Variants in TASOR observed in about 807,000 individuals in gnomAD.
TASOR encodes protein TASOR.
TASOR carries 53 observed loss-of-function variants against 178.6 expected under a neutral mutation model. The ratio of observed to expected loss-of-function variants is 0.30; its 90% CI spans 0.24 to 0.37. The LOEUF (loss-of-function observed/expected upper bound fraction) is 0.37. Ranked by LOEUF, TASOR falls within the 10% of genes least tolerant of loss-of-function variation. The pLI is 1.00. For missense variants in TASOR, 1,815 were observed against 1,971.4 expected, an observed-to-expected ratio of 0.92 and a Z score of 1.50; for synonymous variants, 713 against 696.2, an observed-to-expected ratio of 1.02 and a Z score of -0.38.
At chr3:56,638,823 C>T in intron 16 of TASOR, 58 bp from the exon 17 acceptor site, 8 of 1,524,154 alleles carry the variant, frequency 5.2e-6, no homozygotes, top group Non-Finnish European at 7.3e-6. Flanking sequence ...ACACTAAGCA[C>T]CTTTCAGACA....
chr3:56,654,936 T>C (rs565556727), intron 11 of TASOR, among the ~76,000 whole-genome samples: 1 of 152,208 alleles, frequency 6.6e-6, no homozygotes, highest in Admixed American at 6.5e-5. Context: ...TCTTGGGACA[T>C]GTCAGCCTCC....
intron 11 of TASOR, among the ~76,000 whole-genome samples, chr3:56,651,739 G>T (rs920017773): frequency 1.2e-4 from 18 of 149,820 alleles, no homozygotes; most frequent in Non-Finnish European, 2.4e-4. Flanking sequence ...CTACACTAAA[G>T]TGAGATTCAG....
In TASOR at chr3:56,668,893, A is replaced by C. The variant is rs563985447; in HGVS notation, c.736-335T>G. 5.9e-3 allele frequency among the ~76,000 whole-genome samples: 895 copies of C among 152,260 alleles called. 14 individuals are homozygous for C. The highest frequency in any genetic ancestry group is 0.021 in the African/African-American group (863 of 41,542). The stretch of plus-strand genomic sequence containing the variant: ...AAGCTATGGCAGGCAGAACTGCTTG[A>C]ACCTGGGAGGCGGAGGTTGCAGTGA... On this transcript the variant is annotated intron_variant, in intron 5 of 23. Coordinates refer to ENST00000683822, the MANE Select transcript of TASOR (RefSeq NM_001365635.2).
At chr3:56,650,848 AC>A (rs1172871172) in intron 11 of TASOR, among the ~76,000 whole-genome samples, 1 of 152,208 alleles carries the variant, frequency 6.6e-6, no homozygotes, top group Non-Finnish European at 1.5e-5. Context: ...CGGACAATGT[AC>A]CTGAAAATTT....
chr3:56,641,766 A>G lies in TASOR; in HGVS notation c.2216-14T>C, dbSNP rs1156297030. On this transcript the variant is annotated splice_polypyrimidine_tract_variant and intron_variant, in intron 14 of 23. Transcript: ENST00000683822. ...GCTGTGGAGACTCTGAGAAAAAGGA[A>G]GTCATTGGTTGAAGTTAAGTTTAAA... 3 of 1,578,728 alleles carry G rather than the reference A, an allele frequency of 1.9e-6. No individual in the cohort carries two copies. Among genetic ancestry groups the G allele is most frequent in the African/African-American group, 1.4e-5 (1 of 73,766 alleles).
intron 9 of TASOR, among the ~76,000 whole-genome samples, 181 bp downstream of exon 9, chr3:56,662,204 C>T (rs754966459): frequency 1.1e-4 from 16 of 151,236 alleles, no homozygotes; most frequent in Non-Finnish European, 1.6e-4. Flanking sequence ...AAGACAGAGA[C>T]GTAGAGGACT....
chr3:56,646,764 G>A lies in TASOR; in HGVS notation c.1973C>T (p.Ser658Leu). The change falls in exon 14 of 24, where the codon TCA becomes TTA. Residue 658 changes from serine (S) to leucine (L), a missense_variant. By Grantham distance (145) the Ser-to-Leu change is moderately radical. Around this residue, in one of 5 missense-constraint regions of TASOR, gnomAD observed 504 missense variants for 645.3 expected, o/e 0.78. Coordinates refer to ENST00000683822, the MANE Select transcript of TASOR (RefSeq NM_001365635.2). ...TCCAGATATAATGGCTTCACCTCTT[G>A]AGTTATTTCGTTTTCCAAATTTCAT... The part of the protein sequence containing the change: ...TKMKFGKRNN[S>L]RGEAIISGKQ... 1.9e-6 allele frequency: 3 copies of A among 1,613,734 alleles called. No individual in the cohort carries two copies. The highest frequency in any genetic ancestry group is 1.7e-6 in the Non-Finnish European group (2 of 1,179,872).
intron 13 of TASOR, 102 bp downstream of exon 13, chr3:56,648,720 C>A: frequency 5.0e-6 from 3 of 598,072 alleles, no homozygotes; most frequent in Non-Finnish European, 8.4e-6. Context: ...TTTCCTGAAA[C>A]ATGAGGTAAG....
In TASOR at chr3:56,621,013, A is replaced by AGTT. The variant is rs2076453993; in HGVS notation, c.*2021_*2023dup. The AGTT allele has an allele frequency of 6.6e-6, 1 of 151,476 alleles. No homozygotes were observed. The highest frequency in any genetic ancestry group is 1.5e-5 in the Non-Finnish European group (1 of 67,896). 9.4% of individuals were successfully genotyped at this position (151,476 alleles called of 1,614,324 possible). A position where few individuals can be genotyped will look rare whatever the true frequency, so the allele number is the denominator to read the frequency against. On this transcript the variant is annotated 3_prime_UTR_variant, in exon 24 of 24. Transcript: ENST00000683822. Reference sequence around the variant, plus strand: ...TAAAAATACAAAAAGTTAGTTAGTTAGTTAGCCAGGCGTGGTGGTGGGTGC... The same window carrying AGTT: ...TAAAAATACAAAAAGTTAGTTAGTTAGTTGTTAGCCAGGCGTGGTGGTGGGTGC...
intron 11 of TASOR, among the ~76,000 whole-genome samples, chr3:56,649,961 C>T (rs1322843511): frequency 1.3e-5 from 2 of 152,178 alleles, no homozygotes; most frequent in Admixed American, 6.6e-5. Flanking sequence ...TGTAAAAAGA[C>T]CAGAAGCCAG....
chr3:56,674,997 G>A lies in TASOR; in HGVS notation c.332-1272C>T, dbSNP rs918064962. 3.9e-5 allele frequency among the ~76,000 whole-genome samples: 6 copies of A among 151,950 alleles called. No homozygotes were observed. The East Asian group carries it at 1.2e-3, about 29-fold the overall frequency. On this transcript the variant is annotated intron_variant, in intron 1 of 23. Transcript: ENST00000683822. ...CCACACCCGGCTAATTTTTGTGTGTGTGTGTTTTTAGTAGAGACGGGGTTT... is the reference window on the plus strand; with the variant it reads ...CCACACCCGGCTAATTTTTGTGTGTATGTGTTTTTAGTAGAGACGGGGTTT...
In TASOR at chr3:56,621,174, CA is replaced by C. The variant is rs1559799679; in HGVS notation, c.*1862del. ...ACTCCATCTCCAAAAAAAAACAAAACAACAACAACAAAAAAAAAACACTGTA... is the reference window on the plus strand; with the variant it reads ...ACTCCATCTCCAAAAAAAAACAAAACACAACAACAAAAAAAAAACACTGTA... On this transcript the variant is annotated 3_prime_UTR_variant, in exon 24 of 24. Coordinates refer to ENST00000683822, the MANE Select transcript of TASOR (RefSeq NM_001365635.2). 1 of 153,680 alleles carries C rather than the reference CA, an allele frequency of 6.5e-6. No homozygotes were observed. The highest frequency in any genetic ancestry group is 2.1e-4 in the South Asian group (1 of 4,756). The allele number at this position is 153,680 out of a possible 1,614,324, so 9.5% of individuals were successfully genotyped here.
intron 6 of TASOR, among the ~76,000 whole-genome samples, chr3:56,668,035 G>A (rs1329493516): frequency 2.0e-5 from 3 of 152,174 alleles, no homozygotes; most frequent in African/African-American, 7.2e-5. Context: ...TGAAAGATGA[G>A]TAGTATCTTA....
chr3:56,669,873 A>G (rs1322254269), intron 4 of TASOR, 82 bp from the exon 5 acceptor site: 1 of 1,084,862 alleles, frequency 9.2e-7, no homozygotes, highest in Admixed American at 2.8e-5. Context: ...TTAAGAAGTT[A>G]TCCTTCATCA....
intron 6 of TASOR, 129 bp downstream of exon 6, chr3:56,668,268 G>T (rs2030275695): frequency 1.2e-6 from 1 of 816,986 alleles, no homozygotes; most frequent in Non-Finnish European, 1.9e-6. Context: ...ACTGGAGTCT[G>T]GAAGTGATAT....
In TASOR at chr3:56,623,180, A is replaced by G. The variant is rs2076725774; in HGVS notation, c.4870T>C (p.Tyr1624His). The change falls in exon 24 of 24, where the codon TAT becomes CAT. Residue 1624 changes from tyrosine (Y) to histidine (H), a missense_variant. Coordinates refer to ENST00000683822, the MANE Select transcript of TASOR (RefSeq NM_001365635.2). Reference protein sequence around the residue: ...LTHQTFLGTPYALSSSQSQEN... With the variant: ...LTHQTFLGTPHALSSSQSQEN... ...TGAGACTGACTTGATGAAAGGGCATATGGTGTCCCCAAAAATGTCTGATGA... is the reference window on the plus strand; with the variant it reads ...TGAGACTGACTTGATGAAAGGGCATGTGGTGTCCCCAAAAATGTCTGATGA... 1 of 1,613,722 alleles carries G rather than the reference A, an allele frequency of 6.2e-7. No individual in the cohort carries two copies. The highest frequency in any genetic ancestry group is 8.5e-7 in the Non-Finnish European group (1 of 1,179,898).
chr3:56,668,695 T>A, intron 5 of TASOR, 137 bp from the exon 6 acceptor site: 1 of 689,990 alleles, frequency 1.4e-6, no homozygotes, highest in South Asian at 2.1e-5. Context: ...ACAGAACAGC[T>A]GGGCGCGGTG....
intron 2 of TASOR, 35 bp from the exon 3 acceptor site, chr3:56,671,727 ATG>A (rs1303424881): frequency 1.4e-6 from 2 of 1,418,140 alleles, no homozygotes; most frequent in South Asian, 2.6e-5. Context: ...ACTACTTAGC[ATG>A]TGATTATGTT....
chr3:56,674,150 G>A (rs72881115), intron 1 of TASOR, among the ~76,000 whole-genome samples: 2 of 144,306 alleles, frequency 1.4e-5, no homozygotes, highest in African/African-American at 5.2e-5. Context: ...CATTTAAGAC[G>A]TTATGTGAAG....
Sources: allele counts gnomAD v4.1 joint callset (sites outside exome capture counted in the v4.1 genomes callset), GRCh38; gene constraint gnomAD v4.1.1; regional missense constraint gnomAD v4.1.1; transcripts MANE v1.5; gene names NCBI Gene and HGNC (gene_info 2026-07-23, HGNC 2026-07-21).